The following ERFE variants were observed in gnomAD, a reference collection of about 807,000 sequenced individuals.
The protein encoded by ERFE is complement C1q tumor necrosis factor-related protein 15.
In ERFE, 25 loss-of-function variants were observed where a neutral mutation model predicts 26.6. That is an observed-to-expected ratio of 0.94 (90% CI 0.69 to 1.31). The LOEUF (loss-of-function observed/expected upper bound fraction) is 1.31. Among genes scored for constraint, ERFE ranks in the 40% most tolerant of loss-of-function variants. The probability of loss-of-function intolerance (pLI) is 0.00; values close to 1 mark genes in which losing one functional copy is unlikely to be tolerated. For synonymous variants in ERFE, 206 were observed against 204.5 expected (o/e 1.01, Z -0.06); for missense variants, 447 against 440.2 (o/e 1.02, Z -0.14).
At position 238,161,665 on chromosome 2, in the gene ERFE, C is replaced by A. The variant is rs984096146; in HGVS notation, c.270C>A (p.Asp90Glu). 54 of 1,548,054 alleles carry A rather than the reference C, an allele frequency of 3.5e-5. No homozygotes were observed. In the Admixed American group the frequency reaches 1.0e-3, roughly 30 times the overall value. ...GGATGCTCTTCGTCAGGCAGAGTGA[C>A]AAGGGTGTCAATGGCAAGAAGAGGA... ...DAWMLFVRQSDKGVNGKKRSR... is the reference protein window; with the variant it reads ...DAWMLFVRQSEKGVNGKKRSR... The change falls in exon 2 of 8, where the codon GAC (aspartate) becomes GAA (glutamate). Residue 90 changes from aspartate (D) to glutamate (E), a missense_variant. By Grantham distance (45) the Asp-to-Glu change is conservative (BLOSUM62 2). Coordinates refer to ENST00000546354, the MANE Select transcript of ERFE (RefSeq NM_001291832.2).
In ERFE at chr2:238,163,380, C is replaced by T. The variant is rs75433337; in HGVS notation, c.425-357C>T. Reference sequence around the variant, plus strand: ...TTTCCTTTTAGTTCAATGTCCTGTTCGTTTAAATATAGCACCTTCTGCGCT... The same window carrying T: ...TTTCCTTTTAGTTCAATGTCCTGTTTGTTTAAATATAGCACCTTCTGCGCT... On this transcript the variant is annotated intron_variant, in intron 3 of 7. Transcript: ENST00000546354. 5.2e-3 allele frequency among the ~76,000 whole-genome samples: 793 copies of T among 152,334 alleles called. 4 individuals are homozygous for T. The highest frequency in any genetic ancestry group is 0.017 in the Middle Eastern group (5 of 294).
In ERFE at chr2:238,167,016, A is replaced by T. The variant is rs1260268717; in HGVS notation, c.1027A>T (p.Ser343Cys). ...NASGCSLTVRSGSHFSAVLLG... is the reference protein window; with the variant it reads ...NASGCSLTVRCGSHFSAVLLG... ...CAGCGGCTGCTCCCTCACAGTGCGC[A>T]GTGGCTCCCACTTCAGTGCTGTCCT... Residue 343 changes from serine to cysteine, a missense_variant, in exon 8 of 8, where the codon AGT becomes TGT. Coordinates refer to ENST00000546354, the MANE Select transcript of ERFE (RefSeq NM_001291832.2). 6.4e-7 allele frequency: 1 copy of T among 1,550,430 alleles called. No homozygotes were observed. The highest frequency in any genetic ancestry group is 8.7e-7 in the Non-Finnish European group (1 of 1,146,998).
At position 238,167,306 on chromosome 2, in the gene ERFE, G is replaced by C. The variant is rs535934303; in HGVS notation, c.*252G>C. ...GCTCTTATCCAGGAAAGAAAGAGTC[G>C]GCGTGCCTGGGGGCACCTGCTAGTC... On this transcript the variant is annotated 3_prime_UTR_variant, in exon 8 of 8. Transcript: ENST00000546354. 1 of 687,082 alleles carries C rather than the reference G, an allele frequency of 1.5e-6. No homozygotes were observed. The highest frequency in any genetic ancestry group is 2.8e-5 in the East Asian group (1 of 36,056). 42.6% of individuals were successfully genotyped at this position (687,082 alleles called of 1,614,324 possible).
chr2:238,167,443 G>A lies in ERFE; in HGVS notation c.*389G>A, dbSNP rs988155171. 2.5e-5 allele frequency: 12 copies of A among 488,510 alleles called. 1 individual carries two copies. The Middle Eastern group carries it at 1.5e-3, about 62-fold the overall frequency. The allele number at this position is 488,510 out of a possible 1,614,324, so 30.3% of individuals were successfully genotyped here. A position where few individuals can be genotyped will look rare whatever the true frequency, so the allele number is the denominator to read the frequency against. Reference sequence around the variant, plus strand: ...CCACCTCTCTTCATGTTCTCATGGAGTGCAAAGTGCACCAGCCAGGGCCCC... The same window carrying A: ...CCACCTCTCTTCATGTTCTCATGGAATGCAAAGTGCACCAGCCAGGGCCCC... On this transcript the variant is annotated 3_prime_UTR_variant, in exon 8 of 8. Transcript: ENST00000546354.
At position 238,166,985 on chromosome 2, in the gene ERFE, C is replaced by A; in HGVS notation, c.996C>A (p.Asp332Glu). The change falls in exon 8 of 8, where the codon GAC becomes GAA. Residue 332 changes from aspartate (D) to glutamate (E), a missense_variant. Transcript: ENST00000546354. ...GGCAGTGGACCTCCGTGTTCTTGGA[C>A]AACGCCAGCGGCTGCTCCCTCACAG... is the stretch of plus-strand genomic sequence containing the variant. Reference protein sequence around the residue: ...QMGQWTSVFLDNASGCSLTVR... With the variant: ...QMGQWTSVFLENASGCSLTVR... 6.4e-7 allele frequency: 1 copy of A among 1,550,572 alleles called. No homozygotes were observed. The highest frequency in any genetic ancestry group is 8.7e-7 in the Non-Finnish European group (1 of 1,147,000).
At chr2:238,160,845 A>C (rs1477423012) in intron 1 of ERFE, among the ~76,000 whole-genome samples, 1 of 152,192 alleles carries the variant, frequency 6.6e-6, no homozygotes, top group Non-Finnish European at 1.5e-5. Flanking sequence ...CCCAGCTGGC[A>C]GCCTTGCCTG....
chr2:238,162,688 C>A, intron 2 of ERFE, 48 bp from the exon 3 acceptor site: 1 of 1,244,152 alleles, frequency 8.0e-7, no homozygotes, highest in Non-Finnish European at 1.2e-6. Flanking sequence ...GATGCTGTGG[C>A]TCCCAGCCTG....
chr2:238,166,326 C>A (rs185110866), intron 7 of ERFE, among the ~76,000 whole-genome samples: 1,556 of 152,368 alleles, frequency 0.01, 16 homozygotes, highest in Middle Eastern at 0.034. Context: ...GAAATGGAGG[C>A]CAGGCTGTCT....
chr2:238,166,890 T>C, intron 7 of ERFE, 66 bp from the exon 8 acceptor site: 6 of 1,335,530 alleles, frequency 4.5e-6, no homozygotes, highest in South Asian at 1.3e-5. Context: ...TGTGGCTGGC[T>C]GGCCCTTGGG....
At chr2:238,160,971 TC>T (rs1308654587) in intron 1 of ERFE, among the ~76,000 whole-genome samples, 2 of 152,168 alleles carry the variant, frequency 1.3e-5, no homozygotes, top group Non-Finnish European at 2.9e-5. Flanking sequence ...AGCATCACTG[TC>T]CATGTGTCAG....
chr2:238,162,989 G>A (rs1372756584), intron 3 of ERFE, among the ~76,000 whole-genome samples, 151 bp downstream of exon 3: 2 of 152,392 alleles, frequency 1.3e-5, no homozygotes, highest in African/African-American at 4.8e-5. Flanking sequence ...AGTAGAGCTG[G>A]CCAGGTCCAG....
At position 238,163,813 on chromosome 2, in the gene ERFE, C is replaced by T. The variant is rs1050871300; in HGVS notation, c.501C>T (p.Leu167=). 4 of 1,337,686 alleles carry T rather than the reference C, an allele frequency of 3.0e-6. No homozygotes were observed. Among genetic ancestry groups the T allele is most frequent in the East Asian group, 3.1e-5 (1 of 31,972 alleles). 82.9% of individuals were successfully genotyped at this position (1,337,686 alleles called of 1,614,324 possible). A position where few individuals can be genotyped will look rare whatever the true frequency, so the allele number is the denominator to read the frequency against. Residue 167 remains leucine (L), a synonymous_variant, in exon 4 of 8, where the codon CTC becomes CTT. Coordinates refer to ENST00000546354, the MANE Select transcript of ERFE (RefSeq NM_001291832.2). ...CGPAGPVAAS[L]APVSATAGED... ...CCGCCGGGCCGGTCGCTGCGAGCCT[C>T]GCCCCGGTCTCGGCCACCGCCGGGG...
chr2:238,163,433 G>C (rs1692969968), intron 3 of ERFE, among the ~76,000 whole-genome samples: 1 of 152,238 alleles, frequency 6.6e-6, no homozygotes, highest in African/African-American at 2.4e-5. Context: ...TTCCAGTAAA[G>C]CTGCAATCGC....
intron 1 of ERFE, 64 bp from the exon 2 acceptor site, chr2:238,161,530 T>G: frequency 6.8e-7 from 1 of 1,468,134 alleles, no homozygotes; most frequent in South Asian, 1.4e-5. Flanking sequence ...TCCTGCAAAG[T>G]GTCCCACCTG....
At chr2:238,161,079 C>T (rs1476533856) in intron 1 of ERFE, among the ~76,000 whole-genome samples, 3 of 152,254 alleles carry the variant, frequency 2.0e-5, no homozygotes, top group Non-Finnish European at 2.9e-5. Flanking sequence ...TAACCCGAGG[C>T]AGCTGTGAGA....
intron 3 of ERFE, 174 bp from the exon 4 acceptor site, chr2:238,163,563 C>G (rs1452263488): frequency 1.3e-6 from 1 of 776,194 alleles, no homozygotes; most frequent in Non-Finnish European, 1.7e-6. Context: ...GGAGCCGCTG[C>G]AGGGTCAGGA....
rs145840247 is a variant in ERFE, at chr2:238,165,523, G to A, written c.888-83G>A. ...TCAGGCACTTTGCTGGGCATGTGTT[G>A]GCTGCTGGCAGGATTGTGTGTCGTA... On this transcript the variant is annotated intron_variant, in intron 6 of 7. Transcript: ENST00000546354. 30 of 1,203,192 alleles carry A rather than the reference G, an allele frequency of 2.5e-5. No homozygotes were observed. In the African/African-American group the frequency reaches 3.9e-4, roughly 16 times the overall value. The allele number at this position is 1,203,192 out of a possible 1,614,324, so 74.5% of individuals were successfully genotyped here. A position where few individuals can be genotyped will look rare whatever the true frequency, so the allele number is the denominator to read the frequency against.
chr2:238,166,771 G>A (rs1319129951), intron 7 of ERFE, among the ~76,000 whole-genome samples, 185 bp from the exon 8 acceptor site: 1 of 152,274 alleles, frequency 6.6e-6, no homozygotes, highest in Non-Finnish European at 1.5e-5. Flanking sequence ...CAGAAGAGGT[G>A]CTGGGTGGGG....
chr2:238,167,142 T>TGGA lies in ERFE; in HGVS notation c.*97_*99dup. On this transcript the variant is annotated 3_prime_UTR_variant, in exon 8 of 8. Coordinates refer to ENST00000546354, the MANE Select transcript of ERFE (RefSeq NM_001291832.2). The stretch of plus-strand genomic sequence containing the variant: ...CAGTGTCAGAGTAGCAGTGGCCACA[T>TGGA]GGAGGAGGAGGCCCACCCGGAACTC... 1 of 1,366,614 alleles carries TGGA rather than the reference T, an allele frequency of 7.3e-7. No homozygotes were observed. The highest frequency in any genetic ancestry group is 1.0e-6 in the Non-Finnish European group (1 of 989,124). The allele number at this position is 1,366,614 out of a possible 1,614,324, so 84.7% of individuals were successfully genotyped here.
Sources: gnomAD v4.1 joint callset for allele counts (sites outside exome capture counted in the v4.1 genomes callset) on GRCh38, gnomAD v4.1.1 for gene constraint, MANE v1.5 for transcripts, NCBI Gene and HGNC (gene_info 2026-07-23, HGNC 2026-07-21) for gene names.